Variants in THRB observed in about 807,000 individuals in gnomAD.
THRB encodes the protein thyroid hormone receptor beta.
A neutral mutation model predicts 47.8 loss-of-function variants in THRB; 12 were observed. The observed-to-expected ratio is 0.25, with a 90% CI of 0.16 to 0.41. The LOEUF (loss-of-function observed/expected upper bound fraction) is 0.41, where lower values mean the gene tolerates loss of function less well. Among genes scored for constraint, THRB ranks in the 10% least tolerant of loss-of-function variants. The pLI is 1.00. For missense variants in THRB, 348 were observed against 589.2 expected (o/e 0.59, Z 4.24); for synonymous variants, 218 against 212.2 (o/e 1.03, Z -0.24).
In THRB at chr3:24,297,212, C is replaced by G. The variant is rs2056523508; in HGVS notation, c.-43+14G>C. 6.6e-6 allele frequency: 1 copy of G among 152,218 alleles called. No homozygotes were observed. Among genetic ancestry groups the G allele is most frequent in the African/African-American group, 2.4e-5 (1 of 41,472 alleles). The allele number at this position is 152,218 out of a possible 1,614,324, so 9.4% of individuals were successfully genotyped here. On this transcript the variant is annotated intron_variant, in intron 3 of 10. Coordinates refer to ENST00000646209, the MANE Select transcript of THRB (RefSeq NM_001354712.2). The stretch of plus-strand genomic sequence containing the variant: ...TTTCTTATCACCACACAGACTGAAT[C>G]TTGGAATACATACCTTACTTCCAAC...
intron 3 of THRB, among the ~76,000 whole-genome samples, chr3:24,245,261 A>T (rs2049995031): frequency 1.1e-5 from 1 of 92,150 alleles, no homozygotes. Flanking sequence ...CCAGCTGGCA[A>T]GGGGAAGAGT....
rs909924770 is a variant in THRB, at chr3:24,127,404, A to C, written c.1144+95T>G. On this transcript the variant is annotated intron_variant, in intron 10 of 10. Coordinates refer to ENST00000646209, the MANE Select transcript of THRB (RefSeq NM_001354712.2). Reference sequence around the variant, plus strand: ...TGAAGAAGAGTGAGCTATGTTTCTGAAGCTAAAGGGGGACTGAAAACTCAA... The same window carrying C: ...TGAAGAAGAGTGAGCTATGTTTCTGCAGCTAAAGGGGGACTGAAAACTCAA... The C allele has an allele frequency of 5.4e-5, 72 of 1,339,644 alleles. No individual in the cohort carries two copies. The East Asian group carries it at 1.3e-3, about 24-fold the overall frequency. The allele number at this position is 1,339,644 out of a possible 1,614,324, so 83.0% of individuals were successfully genotyped here.
At chr3:24,418,956 C>T (rs766460885) in intron 1 of THRB, among the ~76,000 whole-genome samples, 21 of 151,740 alleles carry the variant, frequency 1.4e-4, no homozygotes, top group South Asian at 2.1e-4. Flanking sequence ...ATCTAATAGA[C>T]GAGATATGAG....
intron 5 of THRB, 141 bp downstream of exon 5, chr3:24,189,933 G>T: frequency 2.6e-6 from 2 of 771,190 alleles, no homozygotes; most frequent in Non-Finnish European, 4.4e-6. Context: ...TGAAGAAAAG[G>T]ACGCCTAGTA....
At chr3:24,444,678 A>G (rs1048012535) in intron 1 of THRB, among the ~76,000 whole-genome samples, 33 of 152,266 alleles carry the variant, frequency 2.2e-4, no homozygotes, top group African/African-American at 7.7e-4. Context: ...ATCTCGGCTC[A>G]CTGCAACCTT....
chr3:24,380,529 T>C (rs1052745940), intron 1 of THRB, among the ~76,000 whole-genome samples: 2 of 152,146 alleles, frequency 1.3e-5, no homozygotes, highest in Non-Finnish European at 2.9e-5. Context: ...CATTCACTTT[T>C]CACAACAGCC....
At position 24,401,440 on chromosome 3, in the gene THRB, T is replaced by C. The variant is rs935805766; in HGVS notation, c.-260-64069A>G. On this transcript the variant is annotated intron_variant, in intron 1 of 10. Transcript: ENST00000646209. Reference sequence around the variant, plus strand: ...CATGTTCAAGAGCTTTGTCAAAACATGGGAGGAAAAATACTCCCTAGTTAT... The same window carrying C: ...CATGTTCAAGAGCTTTGTCAAAACACGGGAGGAAAAATACTCCCTAGTTAT... 2.0e-5 allele frequency among the ~76,000 whole-genome samples: 3 copies of C among 152,042 alleles called. No individual in the cohort carries two copies. The South Asian group carries it at 6.2e-4, about 31-fold the overall frequency.
chr3:24,133,127 G>T (rs942358171), intron 9 of THRB, among the ~76,000 whole-genome samples, 189 bp downstream of exon 9: 10 of 152,196 alleles, frequency 6.6e-5, no homozygotes, highest in Non-Finnish European at 1.2e-4. Flanking sequence ...ACAAGCTAAT[G>T]AATGATGACT....
chr3:24,404,953 T>C (rs988640337), intron 1 of THRB, among the ~76,000 whole-genome samples: 2 of 151,950 alleles, frequency 1.3e-5, no homozygotes, highest in Non-Finnish European at 2.9e-5. Context: ...TCTATAACCT[T>C]ACCAAACCTA....
chr3:24,463,985 G>T (rs145560661), intron 1 of THRB, among the ~76,000 whole-genome samples: 1 of 152,138 alleles, frequency 6.6e-6, no homozygotes, highest in Non-Finnish European at 1.5e-5. Flanking sequence ...GGTGGCTCAC[G>T]CCTGTAATCC....
At chr3:24,406,528 G>C (rs191421844) in intron 1 of THRB, among the ~76,000 whole-genome samples, 2 of 151,496 alleles carry the variant, frequency 1.3e-5, no homozygotes, top group East Asian at 3.9e-4. Flanking sequence ...GACTAAATTT[G>C]CCAGAATTTT....
chr3:24,254,519 G>A (rs1230898453), intron 3 of THRB, among the ~76,000 whole-genome samples: 2 of 152,140 alleles, frequency 1.3e-5, no homozygotes, highest in Admixed American at 1.3e-4. Context: ...TAAGAACAGT[G>A]TCACTAAAAT....
At chr3:24,453,253 T>TAC (rs771190995) in intron 1 of THRB, among the ~76,000 whole-genome samples, 1 of 152,252 alleles carries the variant, frequency 6.6e-6, no homozygotes, top group Admixed American at 6.5e-5. Flanking sequence ...GTGATGCATA[T>TAC]ACAGCATTAT....
intron 5 of THRB, among the ~76,000 whole-genome samples, chr3:24,171,320 G>A (rs114777459): frequency 1.3e-3 from 201 of 152,286 alleles, no homozygotes; most frequent in African/African-American, 4.6e-3. Context: ...CTTCAAATCA[G>A]TTCAACTCCA....
At chr3:24,384,104 T>C (rs1456076943) in intron 1 of THRB, among the ~76,000 whole-genome samples, 1 of 152,162 alleles carries the variant, frequency 6.6e-6, no homozygotes, top group Admixed American at 6.6e-5. Flanking sequence ...ACCAGGTCTT[T>C]CCACCTTTAT....
intron 3 of THRB, among the ~76,000 whole-genome samples, chr3:24,259,471 C>T (rs530365579): frequency 6.6e-6 from 1 of 152,192 alleles, no homozygotes; most frequent in South Asian, 2.1e-4. Context: ...GCTGCTTTGA[C>T]GAGAGAGGAA....
At chr3:24,273,256 G>A (rs1040495267) in intron 3 of THRB, among the ~76,000 whole-genome samples, 1 of 152,124 alleles carries the variant, frequency 6.6e-6, no homozygotes, top group Non-Finnish European at 1.5e-5. Context: ...AAGAAATACT[G>A]AGTAGCTACA....
At chr3:24,240,413 T>A (rs1160850188) in intron 3 of THRB, among the ~76,000 whole-genome samples, 1 of 152,170 alleles carries the variant, frequency 6.6e-6, no homozygotes, top group Admixed American at 6.5e-5. Flanking sequence ...AGCCCTTATA[T>A]AATCTGAGAA....
At chr3:24,431,829 T>C (rs2070454836) in intron 1 of THRB, among the ~76,000 whole-genome samples, 1 of 152,098 alleles carries the variant, frequency 6.6e-6, no homozygotes, top group African/African-American at 2.4e-5. Flanking sequence ...AATTCTAGCT[T>C]TATATTCTGG....
Sources: allele counts gnomAD v4.1 joint callset (sites outside exome capture counted in the v4.1 genomes callset), GRCh38; gene constraint gnomAD v4.1.1; transcripts MANE v1.5; gene names NCBI Gene and HGNC (gene_info 2026-07-23, HGNC 2026-07-21).